The following EPB41L4B variants were observed in gnomAD, a reference collection of about 807,000 sequenced individuals.
The protein encoded by EPB41L4B is band 4.1-like protein 4B.
EPB41L4B carries 30 observed loss-of-function variants against 112.5 expected under a neutral mutation model. That is an observed-to-expected ratio of 0.27 (90% CI 0.20 to 0.36). EPB41L4B has a LOEUF of 0.36. Ranked by LOEUF, EPB41L4B falls within the 10% of genes least tolerant of loss-of-function variation. The probability of loss-of-function intolerance (pLI) is 1.00; values close to 1 mark genes in which losing one functional copy is unlikely to be tolerated. For missense variants in EPB41L4B, 1,024 were observed against 1,133.3 expected (o/e 0.90, Z 1.38); for synonymous variants, 408 against 439.7 (o/e 0.93, Z 0.90).
chr9:109,226,626 A>G (rs375769019), intron 15 of EPB41L4B, among the ~76,000 whole-genome samples: 27 of 132,244 alleles, frequency 2.0e-4, no homozygotes, highest in East Asian at 4.3e-4. Flanking sequence ...ATATATATAT[A>G]TATGAAGAAT....
chr9:109,210,970 T>C (rs1463900943), intron 17 of EPB41L4B, among the ~76,000 whole-genome samples: 3 of 152,216 alleles, frequency 2.0e-5, no homozygotes, highest in African/African-American at 7.2e-5. Context: ...GGGGATATCA[T>C]TTGGGGATAA....
chr9:109,223,894 C>T (rs1284346683), intron 15 of EPB41L4B, among the ~76,000 whole-genome samples: 1 of 152,084 alleles, frequency 6.6e-6, no homozygotes, highest in African/African-American at 2.4e-5. Context: ...TGGTGGGCAC[C>T]TGTAATCCCA....
chr9:109,262,911 C>T, intron 6 of EPB41L4B, 139 bp downstream of exon 6: 1 of 608,338 alleles, frequency 1.6e-6, no homozygotes, highest in East Asian at 3.0e-5. Context: ...GGACTGCACG[C>T]CACTTGGGGA....
rs150843664 is a variant in EPB41L4B at position 109,287,172 on chromosome 9, T to G, written c.307-7251A>C. On this transcript the variant is annotated intron_variant, in intron 1 of 25. Coordinates refer to ENST00000374566, the MANE Select transcript of EPB41L4B (RefSeq NM_019114.5). ...AGCCAGCAGGACAAGGGATGGACATTGGGATATCTTTGCTGGCCAGCCTGA... is the reference window on the plus strand; with the variant it reads ...AGCCAGCAGGACAAGGGATGGACATGGGGATATCTTTGCTGGCCAGCCTGA... Among the ~76,000 whole-genome samples the G allele has an allele frequency of 1.9e-3, 291 of 152,302 alleles. 4 individuals carry two copies. The highest frequency in any genetic ancestry group is 6.5e-3 in the African/African-American group (271 of 41,562).
intron 21 of EPB41L4B, among the ~76,000 whole-genome samples, chr9:109,193,547 G>A (rs559208756): frequency 6.6e-5 from 10 of 152,334 alleles, no homozygotes; most frequent in African/African-American, 2.4e-4. Context: ...CTTGCCTTCA[G>A]GGCACCTGCC....
At chr9:109,223,542 G>A (rs895912363) in intron 15 of EPB41L4B, among the ~76,000 whole-genome samples, 6 of 152,092 alleles carry the variant, frequency 3.9e-5, no homozygotes, top group Non-Finnish European at 8.8e-5. Flanking sequence ...CAACAAGGCT[G>A]AGTGATCAAT....
chr9:109,229,183 T>A (rs533651556), intron 15 of EPB41L4B, among the ~76,000 whole-genome samples: 1 of 152,218 alleles, frequency 6.6e-6, no homozygotes, highest in African/African-American at 2.4e-5. Context: ...AGGGTTTTCT[T>A]CTTCCATGGA....
At chr9:109,280,816 A>C (rs76089043) in intron 1 of EPB41L4B, among the ~76,000 whole-genome samples, 1 of 151,800 alleles carries the variant, frequency 6.6e-6, no homozygotes, top group Non-Finnish European at 1.5e-5. Context: ...AAAAAAAAAA[A>C]CCCAACTCCA....
intron 14 of EPB41L4B, among the ~76,000 whole-genome samples, chr9:109,244,468 C>CTTTT (rs1564289998): frequency 2.1e-5 from 2 of 94,342 alleles, no homozygotes; most frequent in Non-Finnish European, 4.0e-5. Context: ...TTTTTTTTTA[C>CTTTT]AGAGTCTCAC....
intron 15 of EPB41L4B, among the ~76,000 whole-genome samples, chr9:109,223,449 A>AAC (rs1402845685): frequency 6.6e-6 from 1 of 151,728 alleles, no homozygotes; most frequent in Non-Finnish European, 1.5e-5. Flanking sequence ...AAAAAAAAAA[A>AAC]AAATTGTTGC....
Position 109,194,209 on chromosome 9 carries a change from C to A in EPB41L4B, c.2223+11G>T. ...TGTGGCTGCTCGCCAGGGCTTTCCA[C>A]CCCCCAATACCTTGGCCCCAGGGGA... On this transcript the variant is annotated intron_variant, in intron 21 of 25. Coordinates refer to ENST00000374566, the MANE Select transcript of EPB41L4B (RefSeq NM_019114.5). The A allele has an allele frequency of 6.2e-7, 1 of 1,605,458 alleles. No homozygotes were observed. The highest frequency in any genetic ancestry group is 8.5e-7 in the Non-Finnish European group (1 of 1,174,058).
chr9:109,200,233 C>G lies in EPB41L4B; in HGVS notation c.2045+3G>C. The stretch of plus-strand genomic sequence containing the variant: ...ATTGAAAAAGTTGCAGTACAGAACT[C>G]ACAAACTATACTGTCTTGTTAACTT... On this transcript the variant is annotated splice_donor_region_variant and intron_variant, in intron 20 of 25. Transcript: ENST00000374566. 1 of 1,612,824 alleles carries G rather than the reference C, an allele frequency of 6.2e-7. No individual in the cohort carries two copies. The highest frequency in any genetic ancestry group is 8.5e-7 in the Non-Finnish European group (1 of 1,178,894).
intron 15 of EPB41L4B, among the ~76,000 whole-genome samples, chr9:109,223,127 T>C (rs1029204980): frequency 6.6e-6 from 1 of 152,082 alleles, no homozygotes; most frequent in Non-Finnish European, 1.5e-5. Flanking sequence ...CAACCAAACA[T>C]GTGGTGCTCA....
intron 18 of EPB41L4B, among the ~76,000 whole-genome samples, chr9:109,204,669 AT>A (rs963949024): frequency 6.6e-6 from 1 of 151,134 alleles, no homozygotes; most frequent in Admixed American, 6.6e-5. Context: ...TTTGTTTCAT[AT>A]TTTTTTTGTA....
intron 17 of EPB41L4B, among the ~76,000 whole-genome samples, chr9:109,208,796 A>G (rs1833064842): frequency 6.6e-6 from 1 of 152,104 alleles, no homozygotes; most frequent in Admixed American, 6.5e-5. Context: ...ACCTGAAATC[A>G]CCTTTGATGG....
At chr9:109,287,518 T>C (rs954227285) in intron 1 of EPB41L4B, among the ~76,000 whole-genome samples, 1 of 152,242 alleles carries the variant, frequency 6.6e-6, no homozygotes, top group Admixed American at 6.5e-5. Flanking sequence ...GTATACATCC[T>C]ACTTGTGAAG....
chr9:109,261,311 G>T (rs1156675820), intron 6 of EPB41L4B, among the ~76,000 whole-genome samples: 1 of 151,998 alleles, frequency 6.6e-6, no homozygotes, highest in Non-Finnish European at 1.5e-5. Flanking sequence ...TCTTGGCGGG[G>T]GTGGGGTGAG....
chr9:109,305,597 G>A (rs1307504295), intron 1 of EPB41L4B, among the ~76,000 whole-genome samples: 2 of 152,062 alleles, frequency 1.3e-5, no homozygotes, highest in African/African-American at 2.4e-5. Flanking sequence ...CATCCTGGGC[G>A]AAAGAGGGAG....
rs774529445 is a variant in EPB41L4B at position 109,256,446 on chromosome 9, G to T, written c.787C>A (p.Leu263Met). 6.2e-7 allele frequency: 1 copy of T among 1,614,196 alleles called. No homozygotes were observed. The highest frequency in any genetic ancestry group is 1.1e-5 in the South Asian group (1 of 91,076). Reference sequence around the variant, plus strand: ...ATTTCCAGCCACTTCGCTTTATTCAGATAGGAGAGTTCCGCCTGGGCAGGG... The same window carrying T: ...ATTTCCAGCCACTTCGCTTTATTCATATAGGAGAGTTCCGCCTGGGCAGGG... ...KSPAQAELSY[L>M]NKAKWLEMYG... is the part of the protein sequence containing the mutation. The change falls in exon 8 of 26, where the codon CTG becomes ATG. Residue 263 changes from leucine to methionine, a missense_variant. Leu to Met is a conservative substitution (Grantham distance 15). Transcript: ENST00000374566.
Sources: allele counts gnomAD v4.1 joint callset (sites outside exome capture counted in the v4.1 genomes callset), GRCh38; gene constraint gnomAD v4.1.1; transcripts MANE v1.5; gene names NCBI Gene and HGNC (gene_info 2026-07-23, HGNC 2026-07-21).